Variants in TCEA2 observed in about 807,000 individuals in gnomAD.
TCEA2 encodes the protein transcription elongation factor A2.
In TCEA2, 21 loss-of-function variants were observed where a neutral mutation model predicts 40.8. That is an observed-to-expected ratio of 0.51 (90% CI 0.36 to 0.74). The LOEUF (loss-of-function observed/expected upper bound fraction) is 0.74. TCEA2 is among the 30% of genes least tolerant of loss of function. The probability of loss-of-function intolerance (pLI) is 0.00; values close to 1 mark genes in which losing one functional copy is unlikely to be tolerated. For missense variants in TCEA2, 326 were observed against 426.5 expected (o/e 0.76, Z 2.08); for synonymous variants, 165 against 162.7 (o/e 1.01, Z -0.11).
chr20:64,065,236 C>G (rs1229054522), intron 1 of TCEA2, among the ~76,000 whole-genome samples: 1 of 152,092 alleles, frequency 6.6e-6, no homozygotes, highest in Non-Finnish European at 1.5e-5. Context: ...CACCTCAAGG[C>G]TGGACTCTGT....
chr20:64,056,601 G>C (rs747087436), upstream of TCEA2, among the ~76,000 whole-genome samples: 1 of 152,130 alleles, frequency 6.6e-6, no homozygotes, highest in African/African-American at 2.4e-5. Context: ...GGGGGGCTCC[G>C]TGTGAGTTTG....
intron 4 of TCEA2, among the ~76,000 whole-genome samples, chr20:64,069,096 G>C (rs2059764007): frequency 6.6e-6 from 1 of 152,234 alleles, no homozygotes; most frequent in Non-Finnish European, 1.5e-5. Context: ...GCTGGGTCTG[G>C]GATCCTGTTC....
intron 1 of TCEA2, among the ~76,000 whole-genome samples, chr20:64,057,827 G>A (rs1332720839): frequency 2.6e-5 from 4 of 152,126 alleles, no homozygotes; most frequent in Non-Finnish European, 4.4e-5. Flanking sequence ...TTCTCACCTC[G>A]GCCACTTCAC....
upstream of TCEA2, among the ~76,000 whole-genome samples, chr20:64,061,730 C>CGT (rs1555927149): frequency 2.6e-5 from 4 of 151,042 alleles, no homozygotes; most frequent in Non-Finnish European, 5.9e-5. Flanking sequence ...CTCTCTCTCT[C>CGT]TTTTTTTTTC....
chr20:64,059,267 C>G (rs2145434445), upstream of TCEA2, among the ~76,000 whole-genome samples: 1 of 151,568 alleles, frequency 6.6e-6, no homozygotes, highest in East Asian at 1.9e-4. Context: ...GGTTTGGTCT[C>G]TGGGTCTCTG....
chr20:64,070,199 G>T, intron 6 of TCEA2, 61 bp from the exon 7 acceptor site: 1 of 1,596,228 alleles, frequency 6.3e-7, no homozygotes, highest in South Asian at 1.1e-5. Context: ...CCCCCAGCGG[G>T]GCAGGTGGTA....
Position 64,072,338 on chromosome 20 carries a change from CT to C in TCEA2, c.*163del. 1.2e-6 allele frequency: 1 copy of C among 844,986 alleles called. No homozygotes were observed. 52.3% of individuals were successfully genotyped at this position (844,986 alleles called of 1,614,324 possible). On this transcript the variant is annotated 3_prime_UTR_variant, in exon 10 of 10. Coordinates refer to ENST00000343484, the MANE Select transcript of TCEA2 (RefSeq NM_003195.6). ...CTTTCCCCCTCATTATTAAATGTTT[CT>C]TTTTGCCATCTTGTTCTCCTCAGCC...
chr20:64,061,505 G>A (rs568030376), upstream of TCEA2, among the ~76,000 whole-genome samples: 1 of 152,246 alleles, frequency 6.6e-6, no homozygotes, highest in East Asian at 1.9e-4. Flanking sequence ...TCGATCTCCT[G>A]ACCTCGTGAT....
chr20:64,063,636 C>A (rs1045693419), intron 1 of TCEA2: 1 of 540,248 alleles, frequency 1.9e-6, no homozygotes, highest in Non-Finnish European at 3.3e-6. Context: ...GGGAGAGCCA[C>A]CCGCTCTGGA....
At chr20:64,066,608 C>T in intron 2 of TCEA2, 70 bp downstream of exon 2, 2 of 1,560,340 alleles carry the variant, frequency 1.3e-6, no homozygotes, top group South Asian at 1.1e-5. Context: ...GTTCTGAGGG[C>T]ACCTGGCAGG....
At chr20:64,060,780 T>C (rs559770765), upstream of TCEA2, among the ~76,000 whole-genome samples, 10 of 152,232 alleles carry the variant, frequency 6.6e-5, no homozygotes, top group African/African-American at 2.4e-4. Flanking sequence ...AATTCTATGC[T>C]TTTTCCCTAT....
chr20:64,066,176 TGAGGTGGTTACAAC>T lies in TCEA2; in HGVS notation c.73-297_73-284del, dbSNP rs2059689829. 4 of 316,140 alleles carry T rather than the reference TGAGGTGGTTACAAC, an allele frequency of 1.3e-5. No individual in the cohort carries two copies. The Admixed American group carries it at 1.8e-4, about 14-fold the overall frequency. 19.6% of individuals were successfully genotyped at this position (316,140 alleles called of 1,614,324 possible). A position where few individuals can be genotyped will look rare whatever the true frequency, so the allele number is the denominator to read the frequency against. On this transcript the variant is annotated intron_variant, in intron 1 of 9. Coordinates refer to ENST00000343484, the MANE Select transcript of TCEA2 (RefSeq NM_003195.6). ...TCTGTTCTGGTTTGGGTCAGTGACC[TGAGGTGGTTACAAC>T]GAAGTCAGTGAGGTCATTGCCACGG...
intron 5 of TCEA2, 108 bp downstream of exon 5, chr20:64,069,599 C>A: frequency 6.5e-7 from 1 of 1,545,434 alleles, no homozygotes; most frequent in Non-Finnish European, 8.7e-7. Flanking sequence ...TGTCCTCCCC[C>A]AGCCCATTGC....
upstream of TCEA2, among the ~76,000 whole-genome samples, chr20:64,055,954 C>T (rs557049655): frequency 6.6e-6 from 1 of 152,026 alleles, no homozygotes; most frequent in African/African-American, 2.4e-5. The surrounding 1 kb of genome is among the most constrained non-coding windows in gnomAD (Gnocchi z 4.0). Context: ...CCCATAGCCC[C>T]GACCCCACGG....
chr20:64,072,310 G>T lies in TCEA2; in HGVS notation c.*130G>T. ...CTGCCTGCCTGGATTGCACCTTTCT[G>T]CCCTTTCCCCCTCATTATTAAATGT... is the stretch of plus-strand genomic sequence containing the variant. On this transcript the variant is annotated 3_prime_UTR_variant, in exon 10 of 10. Coordinates refer to ENST00000343484, the MANE Select transcript of TCEA2 (RefSeq NM_003195.6). 2.0e-6 allele frequency: 2 copies of T among 994,578 alleles called. No individual in the cohort carries two copies. The highest frequency in any genetic ancestry group is 1.5e-6 in the Non-Finnish European group (1 of 661,068). The allele number at this position is 994,578 out of a possible 1,614,324, so 61.6% of individuals were successfully genotyped here. A position where few individuals can be genotyped will look rare whatever the true frequency, so the allele number is the denominator to read the frequency against.
intron 6 of TCEA2, 82 bp downstream of exon 6, chr20:64,069,903 T>G (rs746613112): frequency 2.4e-5 from 36 of 1,514,652 alleles, no homozygotes; most frequent in Non-Finnish European, 3.2e-5. Context: ...TGGTGGCTGC[T>G]GGATGCCACT....
chr20:64,062,833 G>C (rs1211449773), upstream of TCEA2: 2 of 152,600 alleles, frequency 1.3e-5, no homozygotes, highest in Non-Finnish European at 2.9e-5. Context: ...CCCAAGAGAA[G>C]GGCTGAGGGC....
intron 6 of TCEA2, 147 bp from the exon 7 acceptor site, chr20:64,070,113 T>C (rs1292526670): frequency 8.0e-7 from 1 of 1,246,580 alleles, no homozygotes; most frequent in Non-Finnish European, 1.1e-6. Context: ...GCCCTTCACC[T>C]CTCCACCAGG....
At chr20:64,067,617 C>T (rs149879817) in intron 3 of TCEA2, among the ~76,000 whole-genome samples, 30 of 152,346 alleles carry the variant, frequency 2.0e-4, no homozygotes, top group African/African-American at 6.7e-4. Context: ...TCTCTCCAGC[C>T]CTGTGTGGCC....
Sources: allele counts gnomAD v4.1 joint callset (sites outside exome capture counted in the v4.1 genomes callset), GRCh38; gene constraint gnomAD v4.1.1; non-coding constraint Gnocchi (gnomAD v3.1); transcripts MANE v1.5; gene names NCBI Gene and HGNC (gene_info 2026-07-23, HGNC 2026-07-21).